Variants in TENT5D observed in about 807,000 individuals in gnomAD.
The protein encoded by TENT5D is cancer/testis antigen 112.
For missense variants in TENT5D, 191 were observed against 287.0 expected, an observed-to-expected ratio of 0.67 and a Z score of 2.42; for synonymous variants, 103 against 100.6, an observed-to-expected ratio of 1.02 and a Z score of -0.15.
chrX:80,442,911 T>A, exon 3 of TENT5D: 1 of 1,211,319 alleles, frequency 8.3e-7, no homozygotes, highest in Non-Finnish European at 1.1e-6. Context: ...TCTCCCCAGA[T>A]ATCATGAAAG....
intron 3 of TENT5D, among the ~76,000 whole-genome samples, chrX:80,374,762 G>A (rs148074040): frequency 9.0e-6 from 1 of 111,364 alleles, no homozygotes; most frequent in East Asian, 2.8e-4. Context: ...AGATATAGAG[G>A]TTGAGTATTC....
chrX:80,369,806 G>A (rs1340424076), intron 3 of TENT5D, among the ~76,000 whole-genome samples: 1 of 112,320 alleles, frequency 8.9e-6, no homozygotes, highest in Non-Finnish European at 1.9e-5. Context: ...CTGCCTGTAG[G>A]ACATGAGTAT....
intron 1 of TENT5D, among the ~76,000 whole-genome samples, chrX:80,429,843 T>C (rs1352350151): frequency 3.6e-5 from 4 of 111,569 alleles, no homozygotes; most frequent in Non-Finnish European, 7.5e-5. Flanking sequence ...TGTCCCTCAA[T>C]TGAATTACGA....
chrX:80,341,417 A>C (rs1275128954), intron 2 of TENT5D, among the ~76,000 whole-genome samples: 2 of 112,051 alleles, frequency 1.8e-5, no homozygotes, highest in Admixed American at 9.5e-5. Flanking sequence ...CTGTGTGCTC[A>C]GCATTGCTCA....
chrX:80,346,200 A>G (rs1269423349), intron 3 of TENT5D, among the ~76,000 whole-genome samples: 3 of 112,170 alleles, frequency 2.7e-5, no homozygotes, highest in Admixed American at 9.5e-5. Flanking sequence ...CACTGTATAA[A>G]AAGTGTATTC....
intron 3 of TENT5D, among the ~76,000 whole-genome samples, chrX:80,366,035 C>A (rs1436575924): frequency 9.0e-6 from 1 of 111,134 alleles, no homozygotes; most frequent in Non-Finnish European, 1.9e-5. Flanking sequence ...AATGTGAACT[C>A]TCTCCCAGGA....
rs935746463 is a variant in TENT5D at position 80,421,467 on chromosome X, G to A, written c.-142+904G>A. On this transcript the variant is annotated intron_variant, in intron 1 of 2. Transcript: ENST00000308293. The stretch of plus-strand genomic sequence containing the variant: ...CTCCCAAAGTGTTGGGATTACAGGC[G>A]TGAGCCACCGTGCCTGGCCTCACTT... 8.9e-5 allele frequency among the ~76,000 whole-genome samples: 10 copies of A among 112,163 alleles called. No homozygotes were observed. In the East Asian group the frequency reaches 1.7e-3, roughly 19 times the overall value.
At chrX:80,443,304 C>A in exon 3 of TENT5D, 2 of 1,210,949 alleles carry the variant, frequency 1.7e-6, no homozygotes. Context: ...TGTCAGAAAT[C>A]AAAAACCTAG....
intron 3 of TENT5D, among the ~76,000 whole-genome samples, chrX:80,365,783 G>T (rs1930497086): frequency 9.1e-6 from 1 of 109,347 alleles, no homozygotes; most frequent in African/African-American, 3.3e-5. Context: ...AGAGGTTGCA[G>T]TGAGCCGAGA....
At chrX:80,396,920 C>T (rs1469866771) in intron 3 of TENT5D, among the ~76,000 whole-genome samples, 1 of 86,869 alleles carries the variant, frequency 1.2e-5, no homozygotes, top group Non-Finnish European at 2.3e-5. Flanking sequence ...CCCCACCTCC[C>T]TCCCAGACGG....
At chrX:80,389,958 A>G (rs1931094461) in intron 3 of TENT5D, among the ~76,000 whole-genome samples, 1 of 111,854 alleles carries the variant, frequency 8.9e-6, no homozygotes, top group Admixed American at 9.5e-5. Context: ...GTGGGAAAGG[A>G]TGAAACTTCA....
At chrX:80,336,113 A>G (rs1272498158) in intron 2 of TENT5D, among the ~76,000 whole-genome samples, 1 of 111,244 alleles carries the variant, frequency 9.0e-6, no homozygotes, top group Non-Finnish European at 1.9e-5. Flanking sequence ...TCCAAGGAAG[A>G]ACTGAGATTT....
At chrX:80,371,835 T>TCTTA (rs751587966) in intron 3 of TENT5D, among the ~76,000 whole-genome samples, 2 of 111,950 alleles carry the variant, frequency 1.8e-5, no homozygotes, top group East Asian at 5.6e-4. Context: ...ACAATAAGGC[T>TCTTA]CTTACGCTTT....
intron 3 of TENT5D, among the ~76,000 whole-genome samples, chrX:80,387,242 T>C (rs977493011): frequency 3.6e-5 from 4 of 112,259 alleles, no homozygotes; most frequent in African/African-American, 9.7e-5. Flanking sequence ...TGATGCCTTA[T>C]ATACCTTTTG....
At chrX:80,396,299 C>T (rs1024079751) in intron 3 of TENT5D, among the ~76,000 whole-genome samples, 4 of 107,483 alleles carry the variant, frequency 3.7e-5, no homozygotes, top group Non-Finnish European at 7.7e-5. Context: ...TTTTATTGAT[C>T]ATTCTTGGGT....
At chrX:80,439,067 G>T (rs1406314336) in intron 2 of TENT5D, among the ~76,000 whole-genome samples, 1 of 111,212 alleles carries the variant, frequency 9.0e-6, no homozygotes, top group Non-Finnish European at 1.9e-5. Flanking sequence ...TAGCTTAAAG[G>T]ATAAGTATAT....
At chrX:80,345,696 A>T (rs911967253) in intron 3 of TENT5D, among the ~76,000 whole-genome samples, 2 of 111,736 alleles carry the variant, frequency 1.8e-5, no homozygotes, top group African/African-American at 3.3e-5. Context: ...AGAAACTAGG[A>T]TATCCATTTA....
At chrX:80,441,871 C>A (rs781618250) in intron 2 of TENT5D, among the ~76,000 whole-genome samples, 7 of 110,311 alleles carry the variant, frequency 6.3e-5, no homozygotes, top group Non-Finnish European at 1.1e-4. Flanking sequence ...GACATTCCTT[C>A]AACTAACATT....
At chrX:80,363,282 T>G (rs1159125780) in intron 3 of TENT5D, among the ~76,000 whole-genome samples, 1 of 111,898 alleles carries the variant, frequency 8.9e-6, no homozygotes, top group Non-Finnish European at 1.9e-5. Context: ...TTTCCTAATT[T>G]ATAGCATTAA....
Sources: gnomAD v4.1 joint callset for allele counts (sites outside exome capture counted in the v4.1 genomes callset) on GRCh38, gnomAD v4.1.1 for gene constraint, MANE v1.5 for transcripts, NCBI Gene and HGNC (gene_info 2026-07-23, HGNC 2026-07-21) for gene names.